C4orf33: variants seen among roughly 807,000 people sequenced by gnomAD.
The protein encoded by C4orf33 is UPF0462 protein C4orf33.
Under a neutral mutation model 24.3 loss-of-function variants are expected in C4orf33, and 20 were observed. The observed-to-expected ratio is 0.82, with a 90% CI of 0.58 to 1.19. C4orf33 has a LOEUF of 1.19. Ranked by LOEUF, C4orf33 falls within the 50% of genes most tolerant of loss-of-function variation. The pLI is 0.00. For synonymous variants in C4orf33, 67 were observed against 76.4 expected, an observed-to-expected ratio of 0.88 and a Z score of 0.64; for missense variants, 207 against 225.9, an observed-to-expected ratio of 0.92 and a Z score of 0.54.
At chr4:129,095,970 C>A (rs1465359698), upstream of C4orf33, among the ~76,000 whole-genome samples, 2 of 152,126 alleles carry the variant, frequency 1.3e-5, no homozygotes, top group Non-Finnish European at 2.9e-5. Context: ...ATTTATATTT[C>A]TGAATCACCC....
At chr4:129,109,226 A>G (rs1472474532) in intron 3 of C4orf33, 81 bp from the exon 4 acceptor site, 3 of 1,316,012 alleles carry the variant, frequency 2.3e-6, no homozygotes, top group South Asian at 1.2e-5. Context: ...TTGCAAGCAC[A>G]CACATTCCAT....
intron 3 of C4orf33, among the ~76,000 whole-genome samples, chr4:129,108,266 G>A (rs954430292): frequency 2.6e-5 from 4 of 152,130 alleles, no homozygotes; most frequent in African/African-American, 9.7e-5. Flanking sequence ...GTATAGAAAT[G>A]TTTTAATATA....
At chr4:129,105,108 C>T (rs570582490) in intron 2 of C4orf33, among the ~76,000 whole-genome samples, 141 of 152,050 alleles carry the variant, frequency 9.3e-4, no homozygotes, top group Non-Finnish European at 1.2e-3. Flanking sequence ...GAAATTAGTT[C>T]ACACAATTGT....
At chr4:129,110,695 A>G (rs576872143) in intron 5 of C4orf33, among the ~76,000 whole-genome samples, 1 of 145,930 alleles carries the variant, frequency 6.9e-6, no homozygotes, top group East Asian at 2.0e-4. Context: ...CCTTCCTGCC[A>G]TGCTCTTACT....
In C4orf33 at chr4:129,111,773, A is replaced by G; in HGVS notation, c.582A>G (p.Ile194Met). ...WKQPESDLWL[I>M]EKCDI ...AACCGGAATCAGACCTGTGGCTAATAGAGAAATGTGATATATAGGAGTAAT... is the reference window on the plus strand; with the variant it reads ...AACCGGAATCAGACCTGTGGCTAATGGAGAAATGTGATATATAGGAGTAAT... The change falls in exon 6 of 6, where the codon ATA becomes ATG. Residue 194 changes from isoleucine (I) to methionine (M), a missense_variant. Physicochemically the swap from Ile to Met is conservative, Grantham distance 10. Coordinates refer to ENST00000425929, the MANE Select transcript of C4orf33 (RefSeq NM_001099783.2). 1 of 1,606,136 alleles carries G rather than the reference A, an allele frequency of 6.2e-7. No individual in the cohort carries two copies. The highest frequency in any genetic ancestry group is 8.5e-7 in the Non-Finnish European group (1 of 1,173,084).
chr4:129,109,518 T>A lies in C4orf33; in HGVS notation c.340T>A (p.Trp114Arg). 1.2e-6 allele frequency: 2 copies of A among 1,613,936 alleles called. No individual in the cohort carries two copies. The highest frequency in any genetic ancestry group is 1.7e-6 in the Non-Finnish European group (2 of 1,179,824). ...CAGAATGTCCAGAGGAGAGACAAAA[T>A]GGGAAGGCAAAGCTTATCTCCCTTG... ...SFRMSRGETK[W>R]EGKAYLPWSY... Residue 114 changes from tryptophan (W) to arginine (R), a missense_variant, in exon 5 of 6, where the codon TGG (tryptophan) becomes AGG (arginine). Transcript: ENST00000425929.
At chr4:129,108,251 T>C (rs1753574316) in intron 3 of C4orf33, among the ~76,000 whole-genome samples, 1 of 152,140 alleles carries the variant, frequency 6.6e-6, no homozygotes, top group Non-Finnish European at 1.5e-5. Context: ...CTCAAAAGAG[T>C]ACCTGTATAG....
At position 129,112,768 on chromosome 4, in the gene C4orf33, T is replaced by C. The variant is rs1197742095; in HGVS notation, c.*977T>C. The C allele has an allele frequency of 6.6e-6, 1 of 152,172 alleles. No homozygotes were observed. The highest frequency in any genetic ancestry group is 1.5e-5 in the Non-Finnish European group (1 of 67,984). The allele number at this position is 152,172 out of a possible 1,614,324, so 9.4% of individuals were successfully genotyped here. A position where few individuals can be genotyped will look rare whatever the true frequency, so the allele number is the denominator to read the frequency against. On this transcript the variant is annotated 3_prime_UTR_variant, in exon 6 of 6. Coordinates refer to ENST00000425929, the MANE Select transcript of C4orf33 (RefSeq NM_001099783.2). Reference sequence around the variant, plus strand: ...TATCGACTTACTCATTTCTTATATATGTTCTCTATCTAAAAAGAGAGCTGG... The same window carrying C: ...TATCGACTTACTCATTTCTTATATACGTTCTCTATCTAAAAAGAGAGCTGG...
chr4:129,095,302 C>T (rs1753165193), upstream of C4orf33, among the ~76,000 whole-genome samples: 1 of 152,162 alleles, frequency 6.6e-6, no homozygotes, highest in African/African-American at 2.4e-5. Context: ...AAGGTAGGTG[C>T]CACCTTAGTA....
chr4:129,104,493 T>G (rs1753456710), intron 2 of C4orf33, among the ~76,000 whole-genome samples: 1 of 152,216 alleles, frequency 6.6e-6, no homozygotes, highest in South Asian at 2.1e-4. Context: ...TGTATAAGAC[T>G]TTCCATGACC....
At chr4:129,099,416 G>T (rs1156315039) in intron 1 of C4orf33, among the ~76,000 whole-genome samples, 4 of 152,272 alleles carry the variant, frequency 2.6e-5, no homozygotes, top group Middle Eastern at 6.8e-3. Context: ...CCATTGTATT[G>T]ATCTGATATG....
upstream of C4orf33, among the ~76,000 whole-genome samples, chr4:129,094,308 T>A (rs7340871): frequency 0.11 from 16,078 of 151,934 alleles, 926 homozygotes; most frequent in South Asian, 0.15. Flanking sequence ...CGTATTTTTT[T>A]AAAAAAAATC....
chr4:129,111,725 A>T lies in C4orf33; in HGVS notation c.534A>T (p.Thr178=). Residue 178 remains threonine, a synonymous_variant, in exon 6 of 6, where the codon ACA becomes ACT. Coordinates refer to ENST00000425929, the MANE Select transcript of C4orf33 (RefSeq NM_001099783.2). ...LEYFKSFNFN[T]LLGEEWKQPE... ...ACTTCAAGTCTTTCAATTTTAACAC[A>T]CTGCTTGGAGAAGAGTGGAAACAAC... 6.2e-7 allele frequency: 1 copy of T among 1,612,862 alleles called. No individual in the cohort carries two copies. Among genetic ancestry groups the T allele is most frequent in the South Asian group, 1.1e-5 (1 of 90,904 alleles).
At chr4:129,104,541 A>G (rs1472736328) in intron 2 of C4orf33, among the ~76,000 whole-genome samples, 1 of 152,160 alleles carries the variant, frequency 6.6e-6, no homozygotes, top group African/African-American at 2.4e-5. Context: ...AGCTTCTCCT[A>G]CATTGAAAGG....
upstream of C4orf33, among the ~76,000 whole-genome samples, chr4:129,095,516 T>C (rs1024526334): frequency 6.6e-6 from 1 of 152,254 alleles, no homozygotes; most frequent in Non-Finnish European, 1.5e-5. Context: ...TGTGTAACTC[T>C]TGTCAAGCCA....
At chr4:129,101,453 A>G (rs191422071) in intron 1 of C4orf33, among the ~76,000 whole-genome samples, 5 of 152,288 alleles carry the variant, frequency 3.3e-5, no homozygotes, top group Admixed American at 3.3e-4. Context: ...TATCTTTTGG[A>G]TAAAACATAG....
intron 1 of C4orf33, 61 bp from the exon 2 acceptor site, chr4:129,102,541 T>C: frequency 7.7e-7 from 1 of 1,300,250 alleles, no homozygotes; most frequent in Non-Finnish European, 1.1e-6. Flanking sequence ...TCATTTCATT[T>C]CCAACTAAAG....
At chr4:129,108,989 C>T (rs538807690) in intron 3 of C4orf33, among the ~76,000 whole-genome samples, 3 of 152,216 alleles carry the variant, frequency 2.0e-5, no homozygotes, top group East Asian at 3.9e-4. Flanking sequence ...CGGGTTCAAG[C>T]GATTCCCCTG....
chr4:129,101,576 A>G (rs1283553074), intron 1 of C4orf33, among the ~76,000 whole-genome samples: 1 of 152,112 alleles, frequency 6.6e-6, no homozygotes, highest in Non-Finnish European at 1.5e-5. Context: ...TTTAATTTCT[A>G]GATATGCTAG....
Sources: gnomAD v4.1 joint callset for allele counts (sites outside exome capture counted in the v4.1 genomes callset) on GRCh38, gnomAD v4.1.1 for gene constraint, MANE v1.5 for transcripts, NCBI Gene and HGNC (gene_info 2026-07-23, HGNC 2026-07-21) for gene names.